Variants in B4GALT6 observed in about 807,000 individuals in gnomAD.
The protein encoded by B4GALT6 is UDP-Gal:beta-GlcNAc beta-1,4-galactosyltransferase 6.
A neutral mutation model predicts 46.3 loss-of-function variants in B4GALT6; 14 were observed. The ratio of observed to expected loss-of-function variants is 0.30; its 90% CI spans 0.20 to 0.47. The LOEUF is 0.47. B4GALT6 is among the 20% of genes least tolerant of loss of function. The pLI is 0.99. For missense variants in B4GALT6, 386 were observed against 480.1 expected, an observed-to-expected ratio of 0.80 and a Z score of 1.83; for synonymous variants, 168 against 162.0, an observed-to-expected ratio of 1.04 and a Z score of -0.28.
chr18:31,675,543 C>T (rs1265457494), intron 1 of B4GALT6, among the ~76,000 whole-genome samples: 1 of 152,194 alleles, frequency 6.6e-6, no homozygotes, highest in Admixed American at 6.5e-5. Flanking sequence ...AACTATCAGC[C>T]TTGTCATCTG....
At chr18:31,700,738 G>A in the B4GALT6 span, among the ~76,000 whole-genome samples, 1 of 152,068 alleles carries the variant, frequency 6.6e-6, no homozygotes, top group East Asian at 1.9e-4. Flanking sequence ...TTGCAGGTGT[G>A]AGCCACCGCG....
At chr18:31,716,629 A>T in the B4GALT6 span, among the ~76,000 whole-genome samples, 8 of 152,142 alleles carry the variant, frequency 5.3e-5, no homozygotes, top group Admixed American at 1.3e-4. Flanking sequence ...CAGATAACTA[A>T]CTAGCCTGCC....
chr18:31,685,098 G>A (rs930011146), upstream of B4GALT6, among the ~76,000 whole-genome samples: 5 of 146,358 alleles, frequency 3.4e-5, no homozygotes, highest in Non-Finnish European at 6.1e-5. Context: ...GCCGCGCCGG[G>A]CCCCGGCGCC....
chr18:31,642,414 C>T (rs1264858516), intron 4 of B4GALT6, among the ~76,000 whole-genome samples: 2 of 152,302 alleles, frequency 1.3e-5, no homozygotes, highest in South Asian at 2.1e-4. Flanking sequence ...CTTTGAGGTA[C>T]ATTGGACTAT....
chr18:31,704,424 G>A, the B4GALT6 span, among the ~76,000 whole-genome samples: 50 of 151,950 alleles, frequency 3.3e-4, no homozygotes, highest in African/African-American at 9.6e-4. Context: ...GGCTGGTCTC[G>A]AATTCCTGAC....
upstream of B4GALT6, among the ~76,000 whole-genome samples, chr18:31,688,636 C>T (rs1217242359): frequency 6.6e-6 from 1 of 152,178 alleles, no homozygotes; most frequent in Admixed American, 6.5e-5. Context: ...CATTCTTTCA[C>T]ATCATGCAAA....
Position 31,684,539 on chromosome 18 carries a change from C to T in B4GALT6, c.-113G>A. 1 of 1,499,412 alleles carries T rather than the reference C, an allele frequency of 6.7e-7. No homozygotes were observed. 92.9% of individuals were successfully genotyped at this position (1,499,412 alleles called of 1,614,324 possible). A position where few individuals can be genotyped will look rare whatever the true frequency, so the allele number is the denominator to read the frequency against. Reference sequence around the variant, plus strand: ...GAGAACCCCGAGACTGCAGCGGGGTCCGCGCGGGGAGGCTCTGGGGAGAGG... The same window carrying T: ...GAGAACCCCGAGACTGCAGCGGGGTTCGCGCGGGGAGGCTCTGGGGAGAGG... On this transcript the variant is annotated 5_prime_UTR_variant, in exon 1 of 9. Coordinates refer to ENST00000306851, the MANE Select transcript of B4GALT6 (RefSeq NM_004775.5).
At chr18:31,658,148 G>A (rs527384578) in intron 2 of B4GALT6, 59 bp from the exon 3 acceptor site, 19 of 1,209,240 alleles carry the variant, frequency 1.6e-5, no homozygotes, top group Non-Finnish European at 2.3e-5. Flanking sequence ...TTTCTCCCTG[G>A]AATGAAATAC....
chr18:31,683,708 CAACGTACCCTTGAAAAT>C (rs1035465273), intron 1 of B4GALT6, among the ~76,000 whole-genome samples: 1 of 152,132 alleles, frequency 6.6e-6, no homozygotes, highest in African/African-American at 2.4e-5. Context: ...GTAGCAAAGG[CAACGTACCCTTGAAAAT>C]AACACCCAAG....
the B4GALT6 span, among the ~76,000 whole-genome samples, chr18:31,706,687 T>A: frequency 1.3e-5 from 2 of 152,174 alleles, no homozygotes; most frequent in Non-Finnish European, 2.9e-5. Context: ...CTCTCTTCAT[T>A]TCCATAATTT....
intron 1 of B4GALT6, among the ~76,000 whole-genome samples, chr18:31,678,036 G>C (rs915926624): frequency 2.0e-5 from 3 of 152,170 alleles, no homozygotes; most frequent in Non-Finnish European, 2.9e-5. Context: ...AAAGGGAAAA[G>C]GAGTCACAAA....
At chr18:31,698,265 G>A in the B4GALT6 span, among the ~76,000 whole-genome samples, 1 of 152,106 alleles carries the variant, frequency 6.6e-6, no homozygotes, top group Non-Finnish European at 1.5e-5. Context: ...TCAAGAGGAG[G>A]CTTCCCTCTT....
rs761549628 is a variant in B4GALT6, at chr18:31,622,659, A to G, written c.*2955T>C. On this transcript the variant is annotated 3_prime_UTR_variant, in exon 9 of 9. Coordinates refer to ENST00000306851, the MANE Select transcript of B4GALT6 (RefSeq NM_004775.5). ...AGTATCTTGGCTGGCAAAAGGGTAT[A>G]TAAGGAAATTTTTAATACATAACTG... is the stretch of plus-strand genomic sequence containing the variant. 1.3e-5 allele frequency: 2 copies of G among 152,054 alleles called. No homozygotes were observed. The highest frequency in any genetic ancestry group is 2.9e-5 in the Non-Finnish European group (2 of 67,908). 9.4% of individuals were successfully genotyped at this position (152,054 alleles called of 1,614,324 possible).
At chr18:31,705,424 T>C in the B4GALT6 span, among the ~76,000 whole-genome samples, 1 of 152,224 alleles carries the variant, frequency 6.6e-6, no homozygotes, top group African/African-American at 2.4e-5. Flanking sequence ...GTTTCAATCT[T>C]GTCGCCCAGG....
At chr18:31,695,458 C>A in the B4GALT6 span, among the ~76,000 whole-genome samples, 2 of 152,050 alleles carry the variant, frequency 1.3e-5, no homozygotes, top group African/African-American at 4.8e-5. Context: ...GTGGAACCCC[C>A]GAGAGGCAAA....
intron 6 of B4GALT6, among the ~76,000 whole-genome samples, chr18:31,629,404 A>G (rs1387947872): frequency 6.6e-6 from 1 of 150,486 alleles, no homozygotes; most frequent in Non-Finnish European, 1.5e-5. Flanking sequence ...TTAGAATTTA[A>G]CAATAAATTA....
intron 4 of B4GALT6, among the ~76,000 whole-genome samples, chr18:31,644,556 TG>T (rs935304300): frequency 6.6e-6 from 1 of 152,234 alleles, no homozygotes; most frequent in Admixed American, 6.5e-5. Flanking sequence ...AAATAACACT[TG>T]ATTTATCAGT....
chr18:31,663,628 G>A (rs2074245988), intron 2 of B4GALT6, among the ~76,000 whole-genome samples: 1 of 152,150 alleles, frequency 6.6e-6, no homozygotes, highest in African/African-American at 2.4e-5. Context: ...AATTATAAAT[G>A]AGCCACTGCA....
intron 1 of B4GALT6, among the ~76,000 whole-genome samples, chr18:31,674,079 T>C (rs935926593): frequency 2.6e-5 from 4 of 152,218 alleles, no homozygotes; most frequent in Admixed American, 1.3e-4. Flanking sequence ...TTCAGACTTC[T>C]GGCCTCCATA....
Sources: gnomAD v4.1 joint callset for allele counts (sites outside exome capture counted in the v4.1 genomes callset) on GRCh38, gnomAD v4.1.1 for gene constraint, MANE v1.5 for transcripts, NCBI Gene and HGNC (gene_info 2026-07-23, HGNC 2026-07-21) for gene names.